PCDHGC4: variants seen among roughly 807,000 people sequenced by gnomAD.
PCDHGC4 encodes protocadherin gamma subfamily C, 4.
Under a neutral mutation model 59.7 loss-of-function variants are expected in PCDHGC4, and 15 were observed. That is an observed-to-expected ratio of 0.25 (90% confidence interval 0.17 to 0.39). The LOEUF (loss-of-function observed/expected upper bound fraction) is 0.39, where lower values mean the gene tolerates loss of function less well. PCDHGC4 is among the 10% of genes least tolerant of loss of function. The probability of loss-of-function intolerance (pLI) is 1.00; values close to 1 mark genes in which losing one functional copy is unlikely to be tolerated. For synonymous variants in PCDHGC4, 434 were observed against 481.4 expected (o/e 0.90, Z 1.29); for missense variants, 1,016 against 1,189.5 (o/e 0.85, Z 2.15).
chr5:141,487,351 T>A lies in PCDHGC4; in HGVS notation c.2178T>A (p.Phe726Leu). 6.2e-7 allele frequency: 1 copy of A among 1,614,210 alleles called. No individual in the cohort carries two copies. The highest frequency in any genetic ancestry group is 8.5e-7 in the Non-Finnish European group (1 of 1,180,038). Residue 726 changes from phenylalanine (F) to leucine (L), a missense_variant, in exon 1 of 4, where the codon TTT (phenylalanine) becomes TTA (leucine). By Grantham distance (22) the Phe-to-Leu change is conservative. Transcript: ENST00000306593. The surrounding 1 kb of genome is among the most constrained non-coding windows in gnomAD (Gnocchi z 5.0). The part of the protein sequence containing the change: ...LRGAACGVTC[F>L]PAGTCACLTR... ...GGGCAGCCTGTGGAGTCACATGCTT[T>A]CCTGCTGGCACCTGTGCCTGTCTCA...
intron 2 of PCDHGC4, 79 bp downstream of exon 2, chr5:141,494,944 C>T: frequency 1.9e-6 from 3 of 1,609,850 alleles, no homozygotes; most frequent in Non-Finnish European, 2.5e-6. Context: ...TGGGGGAGGG[C>T]CCAGCATTTG....
intron 2 of PCDHGC4, among the ~76,000 whole-genome samples, chr5:141,498,039 A>G (rs2099781185): frequency 6.6e-6 from 1 of 152,264 alleles, no homozygotes; most frequent in Non-Finnish European, 1.5e-5. Flanking sequence ...CCAAATAATT[A>G]CAAAAATAAA....
At chr5:141,496,760 G>A (rs144857340) in intron 2 of PCDHGC4, among the ~76,000 whole-genome samples, 4 of 152,108 alleles carry the variant, frequency 2.6e-5, no homozygotes, top group East Asian at 1.9e-4. Context: ...AATATTTATC[G>A]AGCATCTACT....
chr5:141,485,995 T>G lies in PCDHGC4; in HGVS notation c.822T>G (p.Ser274Arg). 1 of 1,614,176 alleles carries G rather than the reference T, an allele frequency of 6.2e-7. No individual in the cohort carries two copies. The change falls in exon 1 of 4, where the codon AGT (serine) becomes AGG (arginine). Residue 274 changes from serine to arginine, a missense_variant. By Grantham distance (110) the Ser-to-Arg change is moderately radical. Transcript: ENST00000306593. The surrounding 1 kb of genome is among the most constrained non-coding windows in gnomAD (Gnocchi z 5.7). The part of the protein sequence containing the change: ...LNASDPDLGP[S>R]GNVTFYFSGH... ...CCTCAGACCCGGACCTGGGTCCCAG[T>G]GGTAACGTCACCTTTTATTTCAGTG...
chr5:141,485,124 C>T lies in PCDHGC4; in HGVS notation c.-50C>T. The T allele has an allele frequency of 7.2e-7, 1 of 1,390,146 alleles. No individual in the cohort carries two copies. The highest frequency in any genetic ancestry group is 1.0e-6 in the Non-Finnish European group (1 of 990,090). The allele number at this position is 1,390,146 out of a possible 1,614,324, so 86.1% of individuals were successfully genotyped here. ...GCTGCTGTGGCTGTTTGGGGCGGGT[C>T]GGCTTCATCCGCGTCTCAGGAGCAA... On this transcript the variant is annotated 5_prime_UTR_variant, in exon 1 of 4. Coordinates refer to ENST00000306593, the MANE Select transcript of PCDHGC4 (RefSeq NM_018928.3). The surrounding 1 kb of genome is among the most constrained non-coding windows in gnomAD (Gnocchi z 5.7).
At position 141,487,760 on chromosome 5, in the gene PCDHGC4, G is replaced by T; in HGVS notation, c.2442+145G>T. On this transcript the variant is annotated intron_variant, in intron 1 of 3. Transcript: ENST00000306593. The surrounding 1 kb of genome is among the most constrained non-coding windows in gnomAD (Gnocchi z 5.0). Reference sequence around the variant, plus strand: ...TGTAAGAGGTAACTATGTGGTAGACGCTGTGCTTTGTAACTGTTTCGTGAA... The same window carrying T: ...TGTAAGAGGTAACTATGTGGTAGACTCTGTGCTTTGTAACTGTTTCGTGAA... 1 of 1,545,950 alleles carries T rather than the reference G, an allele frequency of 6.5e-7. No individual in the cohort carries two copies. The highest frequency in any genetic ancestry group is 1.4e-5 in the African/African-American group (1 of 73,162).
chr5:141,509,572 G>T (rs955898202), intron 3 of PCDHGC4, among the ~76,000 whole-genome samples: 24 of 152,300 alleles, frequency 1.6e-4, no homozygotes, highest in Middle Eastern at 3.4e-3. Context: ...CCTTCACAGT[G>T]CGTACAAATC....
At chr5:141,501,355 A>G (rs936121172) in intron 2 of PCDHGC4, among the ~76,000 whole-genome samples, 4 of 151,760 alleles carry the variant, frequency 2.6e-5, no homozygotes, top group African/African-American at 9.7e-5. Flanking sequence ...ATAGGGCAAG[A>G]ACCATATTCA....
intron 2 of PCDHGC4, among the ~76,000 whole-genome samples, chr5:141,496,733 C>A (rs1221912777): frequency 6.6e-6 from 1 of 152,138 alleles, no homozygotes; most frequent in Non-Finnish European, 1.5e-5. Context: ...TGTATTCATT[C>A]GTTCATTTAT....
At chr5:141,505,121 C>A (rs1194549194) in intron 2 of PCDHGC4, among the ~76,000 whole-genome samples, 1 of 152,168 alleles carries the variant, frequency 6.6e-6, no homozygotes, top group Non-Finnish European at 1.5e-5. Context: ...AAGATCGCGC[C>A]ACTGCACTCC....
At chr5:141,509,758 C>T (rs574741134) in intron 3 of PCDHGC4, among the ~76,000 whole-genome samples, 17 of 152,202 alleles carry the variant, frequency 1.1e-4, no homozygotes. Flanking sequence ...CTAAAGTGTC[C>T]CTGAGATGTC....
chr5:141,489,635 G>T lies in PCDHGC4; in HGVS notation c.2442+2020G>T, dbSNP rs1380466520. On this transcript the variant is annotated intron_variant, in intron 1 of 3. Coordinates refer to ENST00000306593, the MANE Select transcript of PCDHGC4 (RefSeq NM_018928.3). This position sits in a 1 kb window ranked among gnomAD's most constrained non-coding sequence, Gnocchi z 4.5. ...CTGGATCTCAATGACAACTCTCCTA[G>T]CTTTGCCACCCCTGAGCGAGAGATG... 1.2e-6 allele frequency: 2 copies of T among 1,614,024 alleles called. No homozygotes were observed. The highest frequency in any genetic ancestry group is 2.7e-5 in the African/African-American group (2 of 74,908).
chr5:141,485,744 G>T lies in PCDHGC4; in HGVS notation c.571G>T (p.Val191Phe). 1 of 1,614,226 alleles carries T rather than the reference G, an allele frequency of 6.2e-7. No individual in the cohort carries two copies. Among genetic ancestry groups the T allele is most frequent in the Non-Finnish European group, 8.5e-7 (1 of 1,180,038 alleles). Residue 191 changes from valine (V) to phenylalanine (F), a missense_variant, in exon 1 of 4, where the codon GTC becomes TTC. Transcript: ENST00000306593. The surrounding 1 kb of genome is among the most constrained non-coding windows in gnomAD (Gnocchi z 5.7). ...DVKKRSDGSL[V>F]PELLLEKPLD... ...GAAGAAGCGCAGCGACGGCAGCCTG[G>T]TCCCAGAGCTGCTCCTGGAGAAGCC...
intron 2 of PCDHGC4, among the ~76,000 whole-genome samples, chr5:141,498,601 G>A (rs2099784606): frequency 6.6e-6 from 1 of 152,126 alleles, no homozygotes; most frequent in African/African-American, 2.4e-5. Flanking sequence ...CTTGGTTCAA[G>A]TTCAAGTCAG....
Position 141,511,348 on chromosome 5 carries a change from C to T in PCDHGC4, c.*175C>T. Reference sequence around the variant, plus strand: ...TGCCCAGTCAGCACCTACCCCTTCCCCCCCAGGGGGTTGAATATGCAAAAG... The same window carrying T: ...TGCCCAGTCAGCACCTACCCCTTCCTCCCCAGGGGGTTGAATATGCAAAAG... On this transcript the variant is annotated 3_prime_UTR_variant, in exon 4 of 4. Transcript: ENST00000306593. The T allele has an allele frequency of 7.1e-7, 1 of 1,404,104 alleles. No homozygotes were observed. The highest frequency in any genetic ancestry group is 9.5e-7 in the Non-Finnish European group (1 of 1,056,554). 87.0% of individuals were successfully genotyped at this position (1,404,104 alleles called of 1,614,324 possible). A position where few individuals can be genotyped will look rare whatever the true frequency, so the allele number is the denominator to read the frequency against.
At position 141,486,881 on chromosome 5, in the gene PCDHGC4, G is replaced by T. The variant is rs114512641; in HGVS notation, c.1708G>T (p.Ala570Ser). The T allele has an allele frequency of 1.3e-5, 21 of 1,614,090 alleles. No homozygotes were observed. The East Asian group carries it at 4.7e-4, about 36-fold the overall frequency. ...DNAPAVLRPRARPGSLCPQAL... is the reference protein window; with the variant it reads ...DNAPAVLRPRSRPGSLCPQAL... ...TGCTCCAGCTGTGCTCCGTCCTCGG[G>T]CCCGGCCTGGTTCCTTATGTCCCCA... is the stretch of plus-strand genomic sequence containing the variant. Residue 570 changes from alanine (A) to serine (S), a missense_variant, in exon 1 of 4, where the codon GCC becomes TCC. Coordinates refer to ENST00000306593, the MANE Select transcript of PCDHGC4 (RefSeq NM_018928.3). This position sits in a 1 kb window ranked among gnomAD's most constrained non-coding sequence, Gnocchi z 5.0.
chr5:141,497,385 C>T (rs2154592097), intron 2 of PCDHGC4, among the ~76,000 whole-genome samples: 1 of 152,212 alleles, frequency 6.6e-6, no homozygotes, highest in African/African-American at 2.4e-5. Flanking sequence ...GGGGTGAGCA[C>T]CTTACCCCTG....
In PCDHGC4 at chr5:141,489,412, G is replaced by C; in HGVS notation, c.2442+1797G>C. On this transcript the variant is annotated intron_variant, in intron 1 of 3. Coordinates refer to ENST00000306593, the MANE Select transcript of PCDHGC4 (RefSeq NM_018928.3). The surrounding 1 kb of genome is among the most constrained non-coding windows in gnomAD (Gnocchi z 4.5). ...TCAGGATCTGGGCTTAAAGATGACAGATCTGTTGAGCCGGCGGCTGCAATT... is the reference window on the plus strand; with the variant it reads ...TCAGGATCTGGGCTTAAAGATGACACATCTGTTGAGCCGGCGGCTGCAATT... The C allele has an allele frequency of 6.2e-7, 1 of 1,614,172 alleles. No individual in the cohort carries two copies. Among genetic ancestry groups the C allele is most frequent in the Non-Finnish European group, 8.5e-7 (1 of 1,180,040 alleles).
In PCDHGC4 at chr5:141,511,406, G is replaced by C; in HGVS notation, c.*233G>C. The C allele has an allele frequency of 1.1e-6, 1 of 942,018 alleles. No individual in the cohort carries two copies. The highest frequency in any genetic ancestry group is 1.7e-5 in the African/African-American group (1 of 60,280). The allele number at this position is 942,018 out of a possible 1,614,324, so 58.4% of individuals were successfully genotyped here. ...GCTGGGAACCCCCATCCAATCAACT[G>C]CTGTACCCATGGGGGTAGTGGGGTT... On this transcript the variant is annotated 3_prime_UTR_variant, in exon 4 of 4. Coordinates refer to ENST00000306593, the MANE Select transcript of PCDHGC4 (RefSeq NM_018928.3).
Sources: allele counts gnomAD v4.1 joint callset (sites outside exome capture counted in the v4.1 genomes callset), GRCh38; gene constraint gnomAD v4.1.1; non-coding constraint Gnocchi (gnomAD v3.1); transcripts MANE v1.5; gene names NCBI Gene and HGNC (gene_info 2026-07-23, HGNC 2026-07-21).